The following CSMD1 variants were observed in gnomAD, a reference collection of about 807,000 sequenced individuals.
The protein encoded by CSMD1 is CUB and sushi domain-containing protein 1.
In CSMD1, 213 loss-of-function variants were observed where a neutral mutation model predicts 417.5. The observed-to-expected ratio is 0.51, with a 90% CI of 0.46 to 0.57. The LOEUF is 0.57. CSMD1 is among the 20% of genes least tolerant of loss of function. The pLI is 0.00. For missense variants in CSMD1, 6,923 were observed against 4,529.7 expected (o/e 1.53, Z -15.17); for synonymous variants, 2,862 against 1,736.8 (o/e 1.65, Z -16.11).
chr8:3,393,038 G>T (rs73173185), intron 17 of CSMD1, among the ~76,000 whole-genome samples: 24,182 of 152,092 alleles, frequency 0.16, 2,004 homozygotes, highest in Middle Eastern at 0.23. Context: ...ATTCACTTAT[G>T]TACATTTCCA....
At chr8:4,468,100 C>T (rs1352916865) in intron 2 of CSMD1, among the ~76,000 whole-genome samples, 1 of 152,190 alleles carries the variant, frequency 6.6e-6, no homozygotes, top group African/African-American at 2.4e-5. Flanking sequence ...TTCTGATGAA[C>T]CGCTTTCTAA....
At chr8:4,957,702 T>C (rs1809210380) in intron 1 of CSMD1, among the ~76,000 whole-genome samples, 1 of 152,188 alleles carries the variant, frequency 6.6e-6, no homozygotes, top group African/African-American at 2.4e-5. Context: ...GTAAGATTTT[T>C]TGTTTGTTTC....
intron 2 of CSMD1, among the ~76,000 whole-genome samples, chr8:4,467,449 C>T (rs1042947985): frequency 2.6e-5 from 4 of 152,178 alleles, no homozygotes; most frequent in East Asian, 1.9e-4. Flanking sequence ...CCTTCTAAAC[C>T]GTTAATCTTG....
At chr8:4,087,012 T>C (rs887200450) in intron 3 of CSMD1, among the ~76,000 whole-genome samples, 2 of 152,218 alleles carry the variant, frequency 1.3e-5, no homozygotes, top group Admixed American at 6.5e-5. Flanking sequence ...GATAACGCTA[T>C]GTACATCATG....
chr8:4,819,416 T>C (rs774348008), intron 1 of CSMD1, among the ~76,000 whole-genome samples: 3 of 151,732 alleles, frequency 2.0e-5, no homozygotes, highest in Admixed American at 6.6e-5. Context: ...GCAAGCTTCA[T>C]AGAGCAAATA....
Position 4,042,815 on chromosome 8 carries a change from TAAAAAAAAAA to T in CSMD1, c.416-10726_416-10717del, listed in dbSNP as rs60411612. Among the ~76,000 whole-genome samples the T allele has an allele frequency of 4.8e-4, 20 of 41,314 alleles. 2 individuals are homozygous for T. Among genetic ancestry groups the T allele is most frequent in the African/African-American group, 1.8e-3 (19 of 10,348 alleles). The allele number at this position is 41,314 out of a possible 152,430, so 27.1% of individuals were successfully genotyped here. A position where few individuals can be genotyped will look rare whatever the true frequency, so the allele number is the denominator to read the frequency against. On this transcript the variant is annotated intron_variant, in intron 3 of 69. Coordinates refer to ENST00000635120, the MANE Select transcript of CSMD1 (RefSeq NM_033225.6). The stretch of plus-strand genomic sequence containing the variant: ...CAATAGGTGAAGTGGTACAACATAT[TAAAAAAAAAA>T]AAAAAAAAAAAAAAAAAGCAGGCTG...
chr8:3,786,395 G>A (rs1020060935), intron 5 of CSMD1, among the ~76,000 whole-genome samples: 1 of 152,008 alleles, frequency 6.6e-6, no homozygotes, highest in Non-Finnish European at 1.5e-5. Context: ...GAGAAGAAGA[G>A]GATCGAACAA....
At chr8:3,195,806 A>C (rs1289842200) in intron 33 of CSMD1, among the ~76,000 whole-genome samples, 3 of 152,236 alleles carry the variant, frequency 2.0e-5, no homozygotes, top group Non-Finnish European at 4.4e-5. Flanking sequence ...TTCAACATTT[A>C]AAAGCAAGAA....
chr8:3,184,036 C>G (rs1407366393), intron 36 of CSMD1, among the ~76,000 whole-genome samples: 1 of 152,152 alleles, frequency 6.6e-6, no homozygotes, highest in African/African-American at 2.4e-5. Context: ...GATTCCTGAT[C>G]ATCTTAGGAC....
chr8:4,632,349 C>CT (rs1424510259), intron 2 of CSMD1, among the ~76,000 whole-genome samples: 1 of 151,660 alleles, frequency 6.6e-6, no homozygotes. Context: ...CCCGTCTCTA[C>CT]TAAAAATAAA....
At chr8:3,910,117 G>A (rs1289958353) in intron 5 of CSMD1, among the ~76,000 whole-genome samples, 1 of 152,154 alleles carries the variant, frequency 6.6e-6, no homozygotes, top group Non-Finnish European at 1.5e-5. Context: ...ATCAACTGTG[G>A]ATAATAACAG....
chr8:4,443,754 A>G (rs555106930), intron 2 of CSMD1, among the ~76,000 whole-genome samples: 23 of 152,338 alleles, frequency 1.5e-4, no homozygotes, highest in Admixed American at 1.4e-3. Context: ...GTTTTATCAA[A>G]CTATAAACAC....
At chr8:3,117,689 A>G (rs1305876198) in intron 42 of CSMD1, among the ~76,000 whole-genome samples, 3 of 152,206 alleles carry the variant, frequency 2.0e-5, no homozygotes, top group Non-Finnish European at 4.4e-5. Flanking sequence ...AGTCACACAG[A>G]AGCATTAAAG....
At chr8:4,333,553 A>ACAC (rs1247049721) in intron 3 of CSMD1, among the ~76,000 whole-genome samples, 1 of 152,202 alleles carries the variant, frequency 6.6e-6, no homozygotes, top group Non-Finnish European at 1.5e-5. Flanking sequence ...CAGGATATGC[A>ACAC]CACCATGACA....
At chr8:3,806,013 C>T (rs1334798041) in intron 5 of CSMD1, among the ~76,000 whole-genome samples, 1 of 152,140 alleles carries the variant, frequency 6.6e-6, no homozygotes, top group African/African-American at 2.4e-5. Context: ...TGGGGGAGAC[C>T]TGGAGCAGCT....
At chr8:4,216,873 C>A (rs547963606) in intron 3 of CSMD1, among the ~76,000 whole-genome samples, 4 of 152,296 alleles carry the variant, frequency 2.6e-5, no homozygotes, top group South Asian at 4.1e-4. Context: ...GACAGTCTCC[C>A]TTTTTTCCTT....
At position 4,625,703 on chromosome 8, in the gene CSMD1, G is replaced by A. The variant is rs771229385; in HGVS notation, c.302+11639C>T. Among the ~76,000 whole-genome samples, 68 of 152,168 alleles carry A rather than the reference G, an allele frequency of 4.5e-4. 1 individual carries two copies. The highest frequency in any genetic ancestry group is 3.3e-4 in the Admixed American group (5 of 15,280). On this transcript the variant is annotated intron_variant, in intron 2 of 69. Transcript: ENST00000635120. ...AGCAAATATAATGATTATCGTATCC[G>A]TAACATATTCAAGACAGGCTTGGTG...
At chr8:4,145,816 G>A (rs1194897918) in intron 3 of CSMD1, among the ~76,000 whole-genome samples, 1 of 151,090 alleles carries the variant, frequency 6.6e-6, no homozygotes, top group African/African-American at 2.5e-5. Context: ...GGAATGCAAG[G>A]GTTGGAATGG....
At chr8:3,090,452 G>A (rs1451868655) in intron 48 of CSMD1, among the ~76,000 whole-genome samples, 1 of 152,008 alleles carries the variant, frequency 6.6e-6, no homozygotes, top group Non-Finnish European at 1.5e-5. Context: ...ACCTTCCAGA[G>A]GAAGAATATC....
Sources: allele counts gnomAD v4.1 joint callset (sites outside exome capture counted in the v4.1 genomes callset), GRCh38; gene constraint gnomAD v4.1.1; transcripts MANE v1.5; gene names NCBI Gene and HGNC (gene_info 2026-07-23, HGNC 2026-07-21).